BAIAP2: variants seen among roughly 807,000 people sequenced by gnomAD.
BAIAP2 encodes BAR/IMD domain-containing adapter protein 2.
Under a neutral mutation model 63.0 loss-of-function variants are expected in BAIAP2, and 18 were observed. That is an observed-to-expected ratio of 0.29 (90% CI 0.20 to 0.42). The LOEUF (loss-of-function observed/expected upper bound fraction) is 0.42, where lower values mean the gene tolerates loss of function less well. BAIAP2 is among the 10% of genes least tolerant of loss of function. The pLI is 1.00. For missense variants in BAIAP2, 610 were observed against 734.3 expected (o/e 0.83, Z 1.96); for synonymous variants, 386 against 307.6 (o/e 1.25, Z -2.67).
rs112748876 is a variant in BAIAP2 at position 81,092,909 on chromosome 17, C to T, written c.489+6329C>T. Among the ~76,000 whole-genome samples the T allele has an allele frequency of 3.4e-3, 514 of 152,256 alleles. 5 individuals are homozygous for T. The highest frequency in any genetic ancestry group is 0.012 in the African/African-American group (488 of 41,550). Reference sequence around the variant, plus strand: ...GTGGTCACAGCCTGGTCCAGCTCCTCCTTAGAACAGAGGGGTGTGGCTGTG... The same window carrying T: ...GTGGTCACAGCCTGGTCCAGCTCCTTCTTAGAACAGAGGGGTGTGGCTGTG... On this transcript the variant is annotated intron_variant, in intron 6 of 13. Coordinates refer to ENST00000428708, the MANE Select transcript of BAIAP2 (RefSeq NM_001144888.2).
intron 13 of BAIAP2, among the ~76,000 whole-genome samples, chr17:81,111,864 CAAAGCCAGT>C (rs1037151420): frequency 6.6e-6 from 1 of 152,248 alleles, no homozygotes; most frequent in African/African-American, 2.4e-5. Context: ...GGCGGCTCTG[CAAAGCCAGT>C]GCCTGCATCC....
intron 6 of BAIAP2, 118 bp downstream of exon 6, chr17:81,086,698 A>G: frequency 8.3e-7 from 1 of 1,211,628 alleles, no homozygotes; most frequent in Non-Finnish European, 1.2e-6. Flanking sequence ...AGACAGAGGC[A>G]GGCTGTGTGT....
intron 3 of BAIAP2, among the ~76,000 whole-genome samples, chr17:81,067,628 G>A (rs759588584): frequency 5.9e-5 from 9 of 152,334 alleles, no homozygotes; most frequent in Non-Finnish European, 1.2e-4. Context: ...AGCTCCGAGC[G>A]TCACCCACAG....
At chr17:81,060,148 G>C (rs1190625952) in intron 3 of BAIAP2, among the ~76,000 whole-genome samples, 1 of 152,158 alleles carries the variant, frequency 6.6e-6, no homozygotes, top group Admixed American at 6.5e-5. Flanking sequence ...CCTTGCTCTG[G>C]GAGTCAGGTT....
At chr17:81,060,942 G>T (rs2050437160) in intron 3 of BAIAP2, among the ~76,000 whole-genome samples, 1 of 152,084 alleles carries the variant, frequency 6.6e-6, no homozygotes, top group Non-Finnish European at 1.5e-5. Context: ...GGGCAACATG[G>T]TGAAACCCCC....
intron 3 of BAIAP2, among the ~76,000 whole-genome samples, chr17:81,072,706 G>A (rs954693566): frequency 1.3e-5 from 2 of 152,152 alleles, no homozygotes; most frequent in African/African-American, 4.8e-5. Context: ...GCGGGCGGAC[G>A]CTGTCTGGCA....
rs115514658 is a variant in BAIAP2 at position 81,115,557 on chromosome 17, C to A, written c.1536-213C>A. Among the ~76,000 whole-genome samples the A allele has an allele frequency of 3.1e-3, 465 of 152,312 alleles. 3 individuals carry two copies. Among genetic ancestry groups the A allele is most frequent in the African/African-American group, 0.011 (448 of 41,558 alleles). ...TGGGGGCACCCTGCCTTGTCTAGGG[C>A]ACATAGTGGACTTGGGGGTCAGGCA... is the stretch of plus-strand genomic sequence containing the variant. On this transcript the variant is annotated intron_variant, in intron 13 of 13. Coordinates refer to ENST00000428708, the MANE Select transcript of BAIAP2 (RefSeq NM_001144888.2).
intron 1 of BAIAP2, among the ~76,000 whole-genome samples, chr17:81,039,703 TC>T (rs2046822606): frequency 6.6e-6 from 1 of 151,952 alleles, no homozygotes; most frequent in Non-Finnish European, 1.5e-5. Context: ...GGAGCTGTGT[TC>T]CTGTTGCTGC....
intron 1 of BAIAP2, among the ~76,000 whole-genome samples, chr17:81,044,411 G>A (rs940775074): frequency 1.3e-5 from 2 of 152,244 alleles, no homozygotes; most frequent in Non-Finnish European, 2.9e-5. Flanking sequence ...CAGGACGGCC[G>A]TGGCACCTGG....
At position 81,094,186 on chromosome 17, in the gene BAIAP2, A is replaced by C. The variant is rs181241686; in HGVS notation, c.490-5742A>C. On this transcript the variant is annotated intron_variant, in intron 6 of 13. Transcript: ENST00000428708. ...ACATCTTAGCCCCCACTTCTCCTGC[A>C]TCTTGCCAACCCTTTGCTGGCTCTT... is the stretch of plus-strand genomic sequence containing the variant. Among the ~76,000 whole-genome samples, 23 of 152,280 alleles carry C rather than the reference A, an allele frequency of 1.5e-4. No homozygotes were observed. In the East Asian group the frequency reaches 4.1e-3, roughly 27 times the overall value.
intron 1 of BAIAP2, among the ~76,000 whole-genome samples, chr17:81,051,436 T>C (rs564455288): frequency 4.3e-4 from 65 of 152,356 alleles, no homozygotes; most frequent in African/African-American, 1.4e-3. Context: ...AGTCTCACTC[T>C]GTTGCCAGGC....
chr17:81,055,574 G>GTTTTTTTTTTTTTGTTGTTTTT (rs1555657874), intron 2 of BAIAP2, among the ~76,000 whole-genome samples: 2 of 123,406 alleles, frequency 1.6e-5, no homozygotes, highest in Non-Finnish European at 3.3e-5. Flanking sequence ...AGGGTGTTTT[G>GTTTTTTTTTTTTTGTTGTTTTT]TTTTTTTTTG....
chr17:81,074,859 T>C (rs2053395687), intron 3 of BAIAP2, among the ~76,000 whole-genome samples: 1 of 152,256 alleles, frequency 6.6e-6, no homozygotes, highest in South Asian at 2.1e-4. Context: ...GTGAAGCGAT[T>C]GTGGCAAAGC....
chr17:81,105,999 C>CT, intron 10 of BAIAP2, 79 bp from the exon 11 acceptor site: 1 of 1,300,236 alleles, frequency 7.7e-7, no homozygotes, highest in Non-Finnish European at 1.1e-6. Context: ...GCTAGAGGGA[C>CT]TTGTGCATGG....
intron 3 of BAIAP2, among the ~76,000 whole-genome samples, chr17:81,066,105 G>C (rs1233398948): frequency 1.3e-5 from 2 of 152,260 alleles, no homozygotes; most frequent in East Asian, 3.8e-4. Flanking sequence ...GAGCCAGGCT[G>C]TTTTGCTCAG....
chr17:81,051,217 G>A (rs148937677), intron 1 of BAIAP2, among the ~76,000 whole-genome samples: 20 of 151,576 alleles, frequency 1.3e-4, no homozygotes, highest in African/African-American at 4.4e-4. Flanking sequence ...TGCGTGGTAC[G>A]TGCCTCTCTG....
chr17:81,092,741 G>T (rs1406062926), intron 6 of BAIAP2, among the ~76,000 whole-genome samples: 1 of 152,220 alleles, frequency 6.6e-6, no homozygotes, highest in Non-Finnish European at 1.5e-5. Context: ...CAGGACCGTG[G>T]TCGTTGCCAC....
intron 6 of BAIAP2, chr17:81,097,836 G>T (rs2057890405): frequency 6.2e-6 from 2 of 324,626 alleles, no homozygotes; most frequent in Non-Finnish European, 1.1e-5. Flanking sequence ...TGGGGACAGG[G>T]TCTGTGCCTC....
chr17:81,108,730 C>T (rs1054940738), intron 13 of BAIAP2: 30 of 857,208 alleles, frequency 3.5e-5, no homozygotes, highest in African/African-American at 2.4e-4. Flanking sequence ...CGCATCTGGC[C>T]GGCCCCATCC....
Sources: allele counts gnomAD v4.1 joint callset (sites outside exome capture counted in the v4.1 genomes callset), GRCh38; gene constraint gnomAD v4.1.1; transcripts MANE v1.5; gene names NCBI Gene and HGNC (gene_info 2026-07-23, HGNC 2026-07-21).